Variants in FRMD5 observed in about 807,000 individuals in gnomAD.
FRMD5 encodes the protein FERM domain-containing protein 5.
In FRMD5, 20 loss-of-function variants were observed where a neutral mutation model predicts 69.0. That is an observed-to-expected ratio of 0.29 (90% CI 0.20 to 0.42). FRMD5 has a LOEUF of 0.42. Among genes scored for constraint, FRMD5 ranks in the 10% least tolerant of loss-of-function variants. FRMD5 has a pLI of 1.00. For missense variants in FRMD5, 595 were observed against 708.6 expected, an observed-to-expected ratio of 0.84 and a Z score of 1.82; for synonymous variants, 271 against 260.1, an observed-to-expected ratio of 1.04 and a Z score of -0.40.
At chr15:44,140,025 T>C (rs139094540) in intron 1 of FRMD5, among the ~76,000 whole-genome samples, 1,745 of 152,082 alleles carry the variant, frequency 0.011, 25 homozygotes, top group African/African-American at 0.039. Context: ...CATAAATATA[T>C]ACACATATGC....
chr15:43,997,965 T>C (rs1371250942), intron 1 of FRMD5, among the ~76,000 whole-genome samples: 3 of 152,174 alleles, frequency 2.0e-5, no homozygotes, highest in Non-Finnish European at 4.4e-5. Context: ...AGTTATTATA[T>C]ATATTTAAGG....
chr15:43,933,780 G>A (rs1283822146), intron 1 of FRMD5, among the ~76,000 whole-genome samples: 1 of 152,222 alleles, frequency 6.6e-6, no homozygotes, highest in African/African-American at 2.4e-5. Flanking sequence ...TGGCTTGCAA[G>A]TTCGAGTCCC....
chr15:43,970,660 T>C (rs1031876834), intron 1 of FRMD5, among the ~76,000 whole-genome samples: 11 of 152,300 alleles, frequency 7.2e-5, no homozygotes, highest in South Asian at 2.1e-4. Context: ...TTTCGCCATG[T>C]TGGCCAGGCT....
intron 1 of FRMD5, among the ~76,000 whole-genome samples, chr15:43,979,275 C>T (rs2090511716): frequency 6.6e-6 from 1 of 150,514 alleles, no homozygotes; most frequent in Admixed American, 6.6e-5. Flanking sequence ...GTGGAGATTA[C>T]AGTGAGCGGA....
At position 43,870,878 on chromosome 15, in the gene FRMD5, CTT is replaced by C. The variant is rs1056064210; in HGVS notation, c.*3005_*3006del. The C allele has an allele frequency of 1.3e-5, 2 of 152,088 alleles. No homozygotes were observed. The highest frequency in any genetic ancestry group is 4.8e-5 in the African/African-American group (2 of 41,416). 9.4% of individuals were successfully genotyped at this position (152,088 alleles called of 1,614,324 possible). On this transcript the variant is annotated 3_prime_UTR_variant, in exon 14 of 14. Coordinates refer to ENST00000417257, the MANE Select transcript of FRMD5 (RefSeq NM_032892.5). ...TACATTGCTTTGAAGGAAAATGTAA[CTT>C]AAGAGTTTTTGGCACACAGAAGGTT... is the stretch of plus-strand genomic sequence containing the variant.
intron 13 of FRMD5, among the ~76,000 whole-genome samples, chr15:43,878,492 C>G (rs2088427233): frequency 6.6e-6 from 1 of 152,222 alleles, no homozygotes; most frequent in African/African-American, 2.4e-5. Flanking sequence ...TTCTAGAGCT[C>G]TTGCTGTTCC....
intron 1 of FRMD5, among the ~76,000 whole-genome samples, chr15:44,043,083 C>T (rs1270896607): frequency 6.6e-6 from 1 of 152,316 alleles, no homozygotes; most frequent in African/African-American, 2.4e-5. Flanking sequence ...AGCAAAGTCT[C>T]AGGATAAAAA....
At chr15:43,906,696 G>C (rs2089181219) in intron 5 of FRMD5, among the ~76,000 whole-genome samples, 1 of 151,022 alleles carries the variant, frequency 6.6e-6, no homozygotes, top group African/African-American at 2.5e-5. Flanking sequence ...CCGACTCCTG[G>C]GTTCACGCCA....
At chr15:43,990,197 G>A in intron 1 of FRMD5, 2 of 489,406 alleles carry the variant, frequency 4.1e-6, no homozygotes, top group Non-Finnish European at 3.9e-6. Context: ...TGAGCTGGCG[G>A]CGGGTGTGGA....
At chr15:43,899,917 C>T (rs554122406) in intron 7 of FRMD5, among the ~76,000 whole-genome samples, 5 of 152,292 alleles carry the variant, frequency 3.3e-5, no homozygotes, top group African/African-American at 9.6e-5. Flanking sequence ...GAATCCCTTT[C>T]CCCGCTCTAG....
chr15:44,062,542 T>C (rs1893131502), intron 1 of FRMD5, among the ~76,000 whole-genome samples: 1 of 151,788 alleles, frequency 6.6e-6, no homozygotes, highest in African/African-American at 2.4e-5. Context: ...AATACAAAAA[T>C]TAGCCAGGCA....
intron 1 of FRMD5, among the ~76,000 whole-genome samples, chr15:44,003,785 C>A (rs2140183216): frequency 6.6e-6 from 1 of 152,296 alleles, no homozygotes; most frequent in East Asian, 1.9e-4. Context: ...TTTTCGTATT[C>A]TACAGCACTT....
intron 7 of FRMD5, among the ~76,000 whole-genome samples, chr15:43,896,741 T>C (rs2088918400): frequency 6.6e-6 from 1 of 152,214 alleles, no homozygotes; most frequent in Non-Finnish European, 1.5e-5. Context: ...GCATTCTTGG[T>C]TGTTAGGCCT....
chr15:44,063,754 C>A, intron 1 of FRMD5: 1 of 322,292 alleles, frequency 3.1e-6, no homozygotes, highest in Non-Finnish European at 6.0e-6. Context: ...AGAGAGAGAT[C>A]CCACCAAAAT....
chr15:44,039,631 T>C (rs1892097635), intron 1 of FRMD5, among the ~76,000 whole-genome samples: 1 of 151,976 alleles, frequency 6.6e-6, no homozygotes, highest in Admixed American at 6.5e-5. Context: ...AGTAGCAACA[T>C]CAACAAAAAG....
Position 44,194,974 on chromosome 15 carries a change from G to T in FRMD5, c.81C>A (p.Ser27Arg). The T allele has an allele frequency of 1.3e-6, 2 of 1,543,110 alleles. No homozygotes were observed. The highest frequency in any genetic ancestry group is 1.7e-6 in the Non-Finnish European group (2 of 1,148,426). ...YSCTVRLLDD[S>R]EYTCTIQRDA... ...TGACCTGGATGGTGCAGGTGTACTC[G>T]CTGTCGTCCAGCAGCCGCACGGTGC... Residue 27 changes from serine (S) to arginine (R), a missense_variant, in exon 1 of 14, where the codon AGC becomes AGA. Around this residue, in one of 5 missense-constraint regions of FRMD5, gnomAD observed 79 missense variants for 139.9 expected, o/e 0.56. Coordinates refer to ENST00000417257, the MANE Select transcript of FRMD5 (RefSeq NM_032892.5).
At chr15:44,041,595 G>A (rs1382665131) in intron 1 of FRMD5, among the ~76,000 whole-genome samples, 3 of 152,174 alleles carry the variant, frequency 2.0e-5, no homozygotes, top group Non-Finnish European at 2.9e-5. Context: ...AGACTACAGT[G>A]CAATCAAATT....
At chr15:44,124,481 C>CCT (rs1448745737) in intron 1 of FRMD5, among the ~76,000 whole-genome samples, 7 of 151,662 alleles carry the variant, frequency 4.6e-5, no homozygotes, top group Non-Finnish European at 2.9e-5. Context: ...AGGCAGATCA[C>CCT]GAGGACAGGA....
chr15:44,119,665 T>C, intron 1 of FRMD5, among the ~76,000 whole-genome samples: 1 of 151,750 alleles, frequency 6.6e-6, no homozygotes, highest in East Asian at 1.9e-4. Flanking sequence ...AATGGTTCCA[T>C]CTCCTAGGAA....
Sources: gnomAD v4.1 joint callset for allele counts (sites outside exome capture counted in the v4.1 genomes callset) on GRCh38, gnomAD v4.1.1 for gene constraint, gnomAD v4.1.1 regional missense constraint, MANE v1.5 for transcripts, NCBI Gene and HGNC (gene_info 2026-07-23, HGNC 2026-07-21) for gene names.